Variants in C4orf36 observed in about 807,000 individuals in gnomAD.
C4orf36 encodes the protein uncharacterized protein C4orf36.
C4orf36 carries 11 observed loss-of-function variants against 12.2 expected under a neutral mutation model. The ratio of observed to expected loss-of-function variants is 0.90; its 90% CI spans 0.57 to 1.49. The LOEUF (loss-of-function observed/expected upper bound fraction) is 1.49, where lower values mean the gene tolerates loss of function less well. Ranked by LOEUF, C4orf36 falls within the 40% of genes most tolerant of loss-of-function variation. C4orf36 has a pLI of 0.00. For synonymous variants in C4orf36, 54 were observed against 51.3 expected (o/e 1.05, Z -0.22); for missense variants, 137 against 133.9 (o/e 1.02, Z -0.11).
At chr4:86,893,832 G>A (rs1747519452), upstream of C4orf36, among the ~76,000 whole-genome samples, 1 of 151,952 alleles carries the variant, frequency 6.6e-6, no homozygotes, top group African/African-American at 2.4e-5. Flanking sequence ...AATGGACTGT[G>A]AGACCAGTGT....
At chr4:86,919,331 T>TCC in the C4orf36 span, among the ~76,000 whole-genome samples, 1 of 140,186 alleles carries the variant, frequency 7.1e-6, no homozygotes, top group East Asian at 2.1e-4. Context: ...TTTTTTTTTT[T>TCC]TTTTTTTTTG....
the C4orf36 span, among the ~76,000 whole-genome samples, chr4:86,904,351 G>T: frequency 6.6e-6 from 1 of 152,348 alleles, no homozygotes; most frequent in East Asian, 1.9e-4. Flanking sequence ...CCAGAGAGGG[G>T]CCCTCATAGC....
upstream of C4orf36, among the ~76,000 whole-genome samples, chr4:86,896,612 G>A (rs530894473): frequency 2.0e-5 from 3 of 151,756 alleles, no homozygotes; most frequent in South Asian, 4.2e-4. Flanking sequence ...CATTCTTCTC[G>A]CCCTTAAATT....
chr4:86,876,960 G>A (rs1008092814), intron 4 of C4orf36, among the ~76,000 whole-genome samples: 4 of 151,992 alleles, frequency 2.6e-5, no homozygotes, highest in African/African-American at 4.8e-5. Context: ...GTAGATTTGC[G>A]GACTTTAGAT....
chr4:86,930,800 G>A, the C4orf36 span, among the ~76,000 whole-genome samples: 10 of 152,150 alleles, frequency 6.6e-5, no homozygotes, highest in Non-Finnish European at 1.2e-4. Context: ...AGTGATGTCA[G>A]GTCACTAGGA....
the C4orf36 span, among the ~76,000 whole-genome samples, chr4:86,923,462 T>C: frequency 6.6e-6 from 1 of 152,046 alleles, no homozygotes; most frequent in African/African-American, 2.4e-5. Context: ...GTAACCTTTA[T>C]ATTAAATTTT....
At chr4:86,921,181 A>T in the C4orf36 span, among the ~76,000 whole-genome samples, 1 of 151,878 alleles carries the variant, frequency 6.6e-6, no homozygotes, top group Admixed American at 6.6e-5. Flanking sequence ...AAAAAAAAAA[A>T]GTTTTCAACA....
chr4:86,883,034 A>G (rs1747084164), intron 4 of C4orf36, among the ~76,000 whole-genome samples: 1 of 152,198 alleles, frequency 6.6e-6, no homozygotes. Context: ...TGGACAACAG[A>G]TGGAAGCATA....
the C4orf36 span, among the ~76,000 whole-genome samples, chr4:86,930,310 G>C: frequency 6.6e-6 from 1 of 152,254 alleles, no homozygotes; most frequent in Non-Finnish European, 1.5e-5. Context: ...ATTTCACACT[G>C]ATAGACACTA....
Position 86,876,365 on chromosome 4 carries a change from G to C in C4orf36, c.*81C>G. ...GCAGCGCAGCGACGGCCGGGGCCGG[G>C]AGCGGGTCCTGGGCGGCCCAGGAGA... On this transcript the variant is annotated 3_prime_UTR_variant, in exon 5 of 5. Transcript: ENST00000295898. 1.3e-6 allele frequency: 2 copies of C among 1,590,770 alleles called. No individual in the cohort carries two copies. Among genetic ancestry groups the C allele is most frequent in the Non-Finnish European group, 1.7e-6 (2 of 1,169,844 alleles).
the C4orf36 span, among the ~76,000 whole-genome samples, chr4:86,897,906 C>G: frequency 2.0e-5 from 3 of 152,282 alleles, no homozygotes; most frequent in Admixed American, 6.5e-5. Context: ...CATTTGAATT[C>G]CTCCCTCAGG....
the C4orf36 span, among the ~76,000 whole-genome samples, chr4:86,908,387 A>C: frequency 6.6e-6 from 1 of 151,372 alleles, no homozygotes; most frequent in Admixed American, 6.6e-5. Context: ...ATTTTGGTTT[A>C]CTTCCTCTCT....
intron 4 of C4orf36, among the ~76,000 whole-genome samples, chr4:86,877,140 T>A (rs979855486): frequency 1.3e-5 from 2 of 152,230 alleles, no homozygotes; most frequent in African/African-American, 4.8e-5. Context: ...CATATGTTGA[T>A]ACAGCTGGAG....
At chr4:86,919,310 T>TCCC in the C4orf36 span, among the ~76,000 whole-genome samples, 208 of 110,410 alleles carry the variant, frequency 1.9e-3, 4 homozygotes, top group South Asian at 3.8e-3. Flanking sequence ...TCTGCTTTTT[T>TCCC]CCCCCTTTTT....
At chr4:86,917,358 G>T in the C4orf36 span, among the ~76,000 whole-genome samples, 1 of 140,230 alleles carries the variant, frequency 7.1e-6, no homozygotes, top group African/African-American at 2.7e-5. Context: ...AAGGAAGGAA[G>T]GAAAGGATGG....
the C4orf36 span, among the ~76,000 whole-genome samples, chr4:86,915,891 A>G: frequency 6.6e-6 from 1 of 152,200 alleles, no homozygotes; most frequent in Non-Finnish European, 1.5e-5. Flanking sequence ...TATGTCTACA[A>G]GCTAAGGAAC....
chr4:86,887,681 A>G, intron 4 of C4orf36, 77 bp downstream of exon 4: 1 of 1,571,646 alleles, frequency 6.4e-7, no homozygotes, highest in Non-Finnish European at 8.7e-7. Flanking sequence ...GCCCTGAACT[A>G]TACATAGTGA....
chr4:86,931,983 C>G, the C4orf36 span, among the ~76,000 whole-genome samples: 2 of 142,790 alleles, frequency 1.4e-5, no homozygotes, highest in African/African-American at 5.3e-5. Flanking sequence ...TGCAGTGAGC[C>G]GAGATTGCAC....
chr4:86,893,919 T>TG (rs1747529569), upstream of C4orf36, among the ~76,000 whole-genome samples: 1 of 149,950 alleles, frequency 6.7e-6, no homozygotes, highest in African/African-American at 2.5e-5. Flanking sequence ...TTTATTGAGA[T>TG]GGAGTCTCGC....
Sources: allele counts gnomAD v4.1 joint callset (sites outside exome capture counted in the v4.1 genomes callset), GRCh38; gene constraint gnomAD v4.1.1; transcripts MANE v1.5; gene names NCBI Gene and HGNC (gene_info 2026-07-23, HGNC 2026-07-21).